TUSC3: variants seen among roughly 807,000 people sequenced by gnomAD.
The protein encoded by TUSC3 is dolichyl-diphosphooligosaccharide--protein glycosyltransferase subunit TUSC3.
TUSC3 carries 45 observed loss-of-function variants against 44.8 expected under a neutral mutation model. That is an observed-to-expected ratio of 1.00 (90% CI 0.79 to 1.29). TUSC3 has a LOEUF of 1.29. TUSC3 is among the 50% of genes most tolerant of loss of function. TUSC3 has a pLI of 0.00. For missense variants in TUSC3, 519 were observed against 437.9 expected (o/e 1.19, Z -1.65); for synonymous variants, 212 against 152.9 (o/e 1.39, Z -2.85).
At chr8:15,708,526 A>C (rs1203937510) in intron 6 of TUSC3, among the ~76,000 whole-genome samples, 2 of 151,936 alleles carry the variant, frequency 1.3e-5, no homozygotes, top group Admixed American at 6.6e-5. Flanking sequence ...ATGATTATTA[A>C]ACTTCATCTG....
chr8:15,661,743 C>T (rs1418611876), intron 4 of TUSC3, among the ~76,000 whole-genome samples: 2 of 151,860 alleles, frequency 1.3e-5, no homozygotes, highest in East Asian at 3.9e-4. Context: ...AAGTAGCACA[C>T]AGAATGGGGG....
intron 1 of TUSC3, among the ~76,000 whole-genome samples, chr8:15,449,628 G>A (rs1335049095): frequency 1.3e-5 from 2 of 152,102 alleles, no homozygotes; most frequent in African/African-American, 4.8e-5. Context: ...AGTATAATGA[G>A]GCGTCTTACC....
intron 1 of TUSC3, among the ~76,000 whole-genome samples, chr8:15,478,033 C>A (rs1402879673): frequency 6.6e-6 from 1 of 152,238 alleles, no homozygotes; most frequent in Admixed American, 6.5e-5. Flanking sequence ...TCTTGGCTCA[C>A]TGCAAACTCT....
At chr8:15,622,468 C>T (rs1459804401) in intron 1 of TUSC3, among the ~76,000 whole-genome samples, 2 of 152,186 alleles carry the variant, frequency 1.3e-5, no homozygotes, top group Non-Finnish European at 2.9e-5. Flanking sequence ...ACAGTGCTGT[C>T]TCCTCCCAAA....
At chr8:15,684,210 G>T (rs1363826342) in intron 6 of TUSC3, among the ~76,000 whole-genome samples, 4 of 152,052 alleles carry the variant, frequency 2.6e-5, no homozygotes, top group Admixed American at 2.6e-4. Flanking sequence ...CCCAGGGGTG[G>T]GTGGGGGGCA....
At position 15,577,738 on chromosome 8, in the gene TUSC3, C is replaced by T. The variant is rs927253589; in HGVS notation, c.138+37170C>T. 1.4e-5 allele frequency among the ~76,000 whole-genome samples: 2 copies of T among 142,428 alleles called. 1 individual carries two copies. The highest frequency in any genetic ancestry group is 5.3e-5 in the African/African-American group (2 of 37,666). 93.4% of individuals were successfully genotyped at this position (142,428 alleles called of 152,430 possible). On this transcript the variant is annotated intron_variant, in intron 1 of 10. Transcript: ENST00000503731. ...GTAGCCTTGTAGTATAGTTTGAAGT[C>T]AGGTAGTGTGATGCCTCCAGCTTTG...
chr8:15,569,938 T>A (rs953166010), intron 1 of TUSC3, among the ~76,000 whole-genome samples: 4 of 152,110 alleles, frequency 2.6e-5, no homozygotes, highest in Non-Finnish European at 4.4e-5. Context: ...TTTGTCATAC[T>A]GCTTCAGTCA....
intron 1 of TUSC3, among the ~76,000 whole-genome samples, chr8:15,424,062 C>T (rs1207453069): frequency 7.9e-6 from 1 of 126,702 alleles, no homozygotes; most frequent in Non-Finnish European, 1.6e-5. Flanking sequence ...GCTATCTTGG[C>T]TCACTGCAAC....
In TUSC3 at chr8:15,602,458, A is replaced by G. The variant is rs377554632; in HGVS notation, c.139-20622A>G. On this transcript the variant is annotated intron_variant, in intron 1 of 10. Transcript: ENST00000503731. ...TTTTTACATCTTACATTTTACATCA[A>G]CTTGTAAAAAGTATTGTGTTTATTT... Among the ~76,000 whole-genome samples, 16 of 151,334 alleles carry G rather than the reference A, an allele frequency of 1.1e-4. No individual in the cohort carries two copies. The East Asian group carries it at 1.4e-3, about 13-fold the overall frequency.
chr8:15,454,519 C>T (rs1044777648), intron 1 of TUSC3, among the ~76,000 whole-genome samples: 5 of 152,178 alleles, frequency 3.3e-5, no homozygotes, highest in South Asian at 2.1e-4. Context: ...GTTTCTGTCA[C>T]GTATTAATGT....
intron 1 of TUSC3, among the ~76,000 whole-genome samples, chr8:15,480,744 G>C (rs1200872584): frequency 6.6e-6 from 1 of 152,068 alleles, no homozygotes; most frequent in Non-Finnish European, 1.5e-5. Context: ...AAAGGACACT[G>C]GTCAGATCAG....
chr8:15,538,451 TA>T (rs199822810), upstream of TUSC3, among the ~76,000 whole-genome samples: 2,799 of 152,316 alleles, frequency 0.018, 82 homozygotes, highest in African/African-American at 0.064. Context: ...TATATATTTG[TA>T]AACTCCTTTA....
upstream of TUSC3, among the ~76,000 whole-genome samples, chr8:15,535,268 A>C (rs1050216263): frequency 9.2e-5 from 14 of 152,216 alleles, no homozygotes; most frequent in African/African-American, 3.4e-4. Flanking sequence ...TTATGTTTTA[A>C]AGCAAGGATA....
intron 1 of TUSC3, among the ~76,000 whole-genome samples, chr8:15,582,366 A>T (rs559464558): frequency 6.6e-6 from 1 of 152,246 alleles, no homozygotes; most frequent in Non-Finnish European, 1.5e-5. Context: ...AGGTACTTGA[A>T]GGATGAGACT....
chr8:15,650,305 T>G (rs552941880), intron 2 of TUSC3, among the ~76,000 whole-genome samples: 1 of 152,336 alleles, frequency 6.6e-6, no homozygotes, highest in East Asian at 1.9e-4. Context: ...ATTGGAATAT[T>G]TAATTTATGT....
At chr8:15,844,884 T>C in the TUSC3 span, among the ~76,000 whole-genome samples, 1 of 152,176 alleles carries the variant, frequency 6.6e-6, no homozygotes, top group Non-Finnish European at 1.5e-5. Flanking sequence ...TGTGATACTC[T>C]GAGGACTATC....
At chr8:15,610,980 G>A (rs1365568238) in intron 1 of TUSC3, among the ~76,000 whole-genome samples, 2 of 152,098 alleles carry the variant, frequency 1.3e-5, no homozygotes, top group Non-Finnish European at 2.9e-5. Context: ...ATTGAATATT[G>A]TAGTACCGTC....
At chr8:15,443,511 G>A (rs1563252117) in intron 1 of TUSC3, among the ~76,000 whole-genome samples, 1 of 152,042 alleles carries the variant, frequency 6.6e-6, no homozygotes, top group Non-Finnish European at 1.5e-5. Context: ...TTATGACTGA[G>A]ACAGTGAAAG....
intron 1 of TUSC3, among the ~76,000 whole-genome samples, chr8:15,572,852 C>A (rs1465003130): frequency 1.3e-5 from 2 of 152,044 alleles, no homozygotes; most frequent in African/African-American, 4.8e-5. Flanking sequence ...ATTAAATTTG[C>A]CATGTTTTAC....
Sources: allele counts gnomAD v4.1 joint callset (sites outside exome capture counted in the v4.1 genomes callset), GRCh38; gene constraint gnomAD v4.1.1; transcripts MANE v1.5; gene names NCBI Gene and HGNC (gene_info 2026-07-23, HGNC 2026-07-21).